The following FAM78B variants were observed in gnomAD, a reference collection of about 807,000 sequenced individuals.
FAM78B encodes the protein family with sequence similarity 78 member B, also known as protein FAM78B.
FAM78B carries 10 observed loss-of-function variants against 20.0 expected under a neutral mutation model. The ratio of observed to expected loss-of-function variants is 0.50; its 90% CI spans 0.31 to 0.85. FAM78B has a LOEUF of 0.85. Ranked by LOEUF, FAM78B falls within the 40% of genes least tolerant of loss-of-function variation. FAM78B has a pLI of 0.05. For synonymous variants in FAM78B, 135 were observed against 132.8 expected, an observed-to-expected ratio of 1.02 and a Z score of -0.12; for missense variants, 283 against 345.0, an observed-to-expected ratio of 0.82 and a Z score of 1.42.
At chr1:166,120,022 C>T (rs1654409680) in intron 1 of FAM78B, among the ~76,000 whole-genome samples, 1 of 152,198 alleles carries the variant, frequency 6.6e-6, no homozygotes, top group Non-Finnish European at 1.5e-5. Flanking sequence ...AGCCCACTCC[C>T]TCCCATAAAG....
chr1:166,119,772 C>A (rs957146678), intron 1 of FAM78B, among the ~76,000 whole-genome samples: 1 of 152,202 alleles, frequency 6.6e-6, no homozygotes, highest in Non-Finnish European at 1.5e-5. Flanking sequence ...GAATAAAGGA[C>A]GCGTGTCGTA....
At chr1:166,056,316 TG>T (rs1651343911), downstream of FAM78B, among the ~76,000 whole-genome samples, 3 of 151,984 alleles carry the variant, frequency 2.0e-5, no homozygotes, top group Non-Finnish European at 4.4e-5. Context: ...AATGAATGAA[TG>T]AATGAATGTG....
At chr1:166,147,456 G>A (rs570059520) in intron 1 of FAM78B, among the ~76,000 whole-genome samples, 3 of 152,326 alleles carry the variant, frequency 2.0e-5, no homozygotes, top group African/African-American at 7.2e-5. Flanking sequence ...GGATGCTTTA[G>A]AGAACTGGCA....
intron 1 of FAM78B, among the ~76,000 whole-genome samples, chr1:166,102,651 G>C (rs1393536874): frequency 1.3e-5 from 2 of 152,172 alleles, no homozygotes; most frequent in African/African-American, 4.8e-5. Context: ...TCAACAAGAA[G>C]AGCTAACTAT....
chr1:166,101,999 A>AT (rs1421770917), intron 1 of FAM78B, among the ~76,000 whole-genome samples: 1 of 152,254 alleles, frequency 6.6e-6, no homozygotes, highest in African/African-American at 2.4e-5. Flanking sequence ...CATCAGACTA[A>AT]CAGCTGAACT....
exon 3 of FAM78B, chr1:166,060,583 G>A (rs772625228): frequency 3.4e-5 from 44 of 1,287,274 alleles, no homozygotes; most frequent in Middle Eastern, 2.1e-4. Context: ...TTCTGGAGCC[G>A]CCAGCCATTG....
chr1:166,146,646 G>T (rs150405011), intron 1 of FAM78B, among the ~76,000 whole-genome samples: 2 of 152,150 alleles, frequency 1.3e-5, no homozygotes, highest in African/African-American at 4.8e-5. Flanking sequence ...GGGAAGTTGC[G>T]AATATACAAT....
intron 1 of FAM78B, among the ~76,000 whole-genome samples, chr1:166,135,638 G>C (rs1655039472): frequency 6.6e-6 from 1 of 152,216 alleles, no homozygotes. Context: ...ATAGCACTCT[G>C]AGTATTCTTT....
At chr1:166,060,244 T>G in exon 3 of FAM78B, 1 of 210,306 alleles carries the variant, frequency 4.8e-6, no homozygotes. Context: ...GAAGGCAGGG[T>G]TTGGGAACCA....
chr1:166,111,735 T>C (rs2101759280), intron 1 of FAM78B, among the ~76,000 whole-genome samples: 1 of 152,304 alleles, frequency 6.6e-6, no homozygotes, highest in African/African-American at 2.4e-5. Flanking sequence ...ATGCAGGTCA[T>C]CAAAGTTCAC....
intron 1 of FAM78B, among the ~76,000 whole-genome samples, chr1:166,119,273 T>C (rs767021035): frequency 1.3e-5 from 2 of 152,226 alleles, no homozygotes; most frequent in Non-Finnish European, 2.9e-5. Context: ...AGCAGCCCTG[T>C]TGGACTAAAA....
At chr1:166,061,991 G>T (rs1651619477) in intron 2 of FAM78B, among the ~76,000 whole-genome samples, 1 of 152,138 alleles carries the variant, frequency 6.6e-6, no homozygotes, top group Non-Finnish European at 1.5e-5. Flanking sequence ...TATTATTTCT[G>T]TTATATTTAT....
chr1:166,143,225 G>A (rs1436274184), intron 1 of FAM78B, among the ~76,000 whole-genome samples: 6 of 152,156 alleles, frequency 3.9e-5, no homozygotes, highest in African/African-American at 1.4e-4. Context: ...ACAGTGGCAG[G>A]GAAGAGGCCT....
chr1:166,151,738 G>A lies in FAM78B; in HGVS notation c.263+14248C>T, dbSNP rs546235307. Among the ~76,000 whole-genome samples the A allele has an allele frequency of 3.5e-4, 54 of 152,222 alleles. No individual in the cohort carries two copies. The South Asian group carries it at 9.3e-3, about 26-fold the overall frequency. ...GACCCACTCAACTGTTCAACCATTCGGCTAAAGAGAATTAGCTGCTTCATG... is the reference window on the plus strand; with the variant it reads ...GACCCACTCAACTGTTCAACCATTCAGCTAAAGAGAATTAGCTGCTTCATG... On this transcript the variant is annotated intron_variant, in intron 1 of 1. Coordinates refer to ENST00000354422, the MANE Select transcript of FAM78B (RefSeq NM_001017961.5).
At chr1:166,109,868 G>GTATATATATATGTA (rs1653958579) in intron 1 of FAM78B, among the ~76,000 whole-genome samples, 1 of 8,580 alleles carries the variant, frequency 1.2e-4, no homozygotes, top group Non-Finnish European at 3.1e-4. Flanking sequence ...ATATGTATGT[G>GTATATATATATGTA]TATATATATA....
chr1:166,155,831 G>T (rs1384290476), intron 1 of FAM78B, among the ~76,000 whole-genome samples: 1 of 152,102 alleles, frequency 6.6e-6, no homozygotes, highest in African/African-American at 2.4e-5. Context: ...TGCTCTCACA[G>T]AACGGGCATG....
chr1:166,062,942 C>A (rs1481919568), intron 2 of FAM78B, among the ~76,000 whole-genome samples: 1 of 152,242 alleles, frequency 6.6e-6, no homozygotes, highest in Non-Finnish European at 1.5e-5. Flanking sequence ...AGTGTCTGTG[C>A]ACATACTGAC....
intron 1 of FAM78B, among the ~76,000 whole-genome samples, chr1:166,094,364 G>A (rs1368436604): frequency 2.6e-5 from 4 of 152,162 alleles, no homozygotes; most frequent in South Asian, 2.1e-4. Flanking sequence ...TCTGTGTCCC[G>A]TGCTCCATGT....
intron 1 of FAM78B, among the ~76,000 whole-genome samples, chr1:166,144,751 T>C (rs980432336): frequency 2.0e-5 from 3 of 152,152 alleles, no homozygotes; most frequent in Non-Finnish European, 4.4e-5. Flanking sequence ...AATCTTCAGC[T>C]GCAAGAGGGG....
Sources: gnomAD v4.1 joint callset for allele counts (sites outside exome capture counted in the v4.1 genomes callset) on GRCh38, gnomAD v4.1.1 for gene constraint, MANE v1.5 for transcripts, NCBI Gene and HGNC (gene_info 2026-07-23, HGNC 2026-07-21) for gene names.